Variants in TCF20 observed in about 807,000 individuals in gnomAD.
The protein encoded by TCF20 is transcription factor 20, also known as SPRE-binding protein.
A neutral mutation model predicts 148.6 loss-of-function variants in TCF20; 3 were observed. The observed-to-expected ratio is 0.02, with a 90% confidence interval of 0.01 to 0.05. The LOEUF is 0.05. TCF20 is among the 10% of genes least tolerant of loss of function. The probability of loss-of-function intolerance (pLI) is 1.00; values close to 1 mark genes in which losing one functional copy is unlikely to be tolerated. For synonymous variants in TCF20, 1,049 were observed against 909.5 expected (o/e 1.15, Z -2.76); for missense variants, 2,350 against 2,429.3 (o/e 0.97, Z 0.69).
chr22:42,264,623 C>T (rs1294520244), intron 1 of TCF20, among the ~76,000 whole-genome samples: 1 of 152,228 alleles, frequency 6.6e-6, no homozygotes, highest in Non-Finnish European at 1.5e-5. Flanking sequence ...AGATCAAGTT[C>T]GACTGCCCTA....
intron 1 of TCF20, among the ~76,000 whole-genome samples, chr22:42,326,171 T>C (rs59988558): frequency 0.045 from 6,840 of 151,958 alleles, 486 homozygotes; most frequent in African/African-American, 0.15. Flanking sequence ...CAACGCAGGA[T>C]GTAATGGCTG....
intron 1 of TCF20, among the ~76,000 whole-genome samples, chr22:42,250,768 TAAAAG>T (rs1039284684): frequency 1.1e-4 from 16 of 152,280 alleles, no homozygotes; most frequent in African/African-American, 2.9e-4. Context: ...AAGGAATACT[TAAAAG>T]AAAAGAGATT....
chr22:42,292,207 C>A lies in TCF20; in HGVS notation c.-37+51272G>T, dbSNP rs1927145730. 1.3e-5 allele frequency among the ~76,000 whole-genome samples: 2 copies of A among 152,182 alleles called. No homozygotes were observed. The highest frequency in any genetic ancestry group is 2.9e-5 in the Non-Finnish European group (2 of 68,030). Reference sequence around the variant, plus strand: ...CACAGGGTATGGACGAGGGTCAGCACCCCCATTTTGCAAGAAGAAAGCTCA... The same window carrying A: ...CACAGGGTATGGACGAGGGTCAGCAACCCCATTTTGCAAGAAGAAAGCTCA... On this transcript the variant is annotated intron_variant, in intron 1 of 1. Transcript: ENST00000515426. This position sits in a 1 kb window ranked among gnomAD's most constrained non-coding sequence, Gnocchi z 4.9.
intron 1 of TCF20, among the ~76,000 whole-genome samples, chr22:42,237,618 T>C (rs1782104857): frequency 6.6e-6 from 1 of 152,250 alleles, no homozygotes. Context: ...GGAATTATTA[T>C]GTATAGCAGC....
rs1025622647 is a variant in TCF20, at chr22:42,338,690, G to A, written c.-37+4789C>T. ...TGCGACGGAGGCTGCCAGGCGGGACGGGCTGGGCACGGCACGAGGCGGCAA... is the reference window on the plus strand; with the variant it reads ...TGCGACGGAGGCTGCCAGGCGGGACAGGCTGGGCACGGCACGAGGCGGCAA... On this transcript the variant is annotated intron_variant, in intron 1 of 1. Transcript: ENST00000515426. This position sits in a 1 kb window ranked among gnomAD's most constrained non-coding sequence, Gnocchi z 4.0. 1.3e-5 allele frequency among the ~76,000 whole-genome samples: 2 copies of A among 152,236 alleles called. No individual in the cohort carries two copies. Among genetic ancestry groups the A allele is most frequent in the African/African-American group, 2.4e-5 (1 of 41,458 alleles).
upstream of TCF20, among the ~76,000 whole-genome samples, chr22:42,285,085 C>T (rs988799188): frequency 2.0e-5 from 3 of 152,230 alleles, no homozygotes; most frequent in Non-Finnish European, 2.9e-5. The surrounding 1 kb of genome is among the most constrained non-coding windows in gnomAD (Gnocchi z 4.2). Flanking sequence ...CGGCCATGCT[C>T]GCTTCAGCCT....
rs1042059717 is a variant in TCF20 at position 42,254,821 on chromosome 22, C to T, written c.-37+15518G>A. Among the ~76,000 whole-genome samples, 6 of 151,690 alleles carry T rather than the reference C, an allele frequency of 4.0e-5. No homozygotes were observed. In the East Asian group the frequency reaches 5.8e-4, roughly 15 times the overall value. On this transcript the variant is annotated intron_variant, in intron 1 of 5. Transcript: ENST00000677622. ...CTCTACTAAAAATACAAAAATTAGC[C>T]GCGGGTGGAGGCGGGCGCCTGTAGT... is the stretch of plus-strand genomic sequence containing the variant.
chr22:42,261,445 T>C (rs1926023419), intron 1 of TCF20, among the ~76,000 whole-genome samples: 1 of 152,228 alleles, frequency 6.6e-6, no homozygotes, highest in Non-Finnish European at 1.5e-5. Context: ...CCATCAGCAG[T>C]GCATTCAAGT....
intron 1 of TCF20, among the ~76,000 whole-genome samples, chr22:42,226,385 T>C (rs1276809128): frequency 6.6e-6 from 1 of 152,220 alleles, no homozygotes; most frequent in Non-Finnish European, 1.5e-5. Flanking sequence ...GCTAAAAGGA[T>C]GTTCCATTTT....
At chr22:42,226,993 A>T (rs1262587690) in intron 1 of TCF20, among the ~76,000 whole-genome samples, 2 of 152,198 alleles carry the variant, frequency 1.3e-5, no homozygotes, top group African/African-American at 4.8e-5. Context: ...TTAAAAAATA[A>T]TTTTTAAGAC....
Position 42,179,590 on chromosome 22 carries a change from G to T in TCF20, c.5749+19C>A, listed in dbSNP as rs757468404. On this transcript the variant is annotated intron_variant, in intron 3 of 5. Transcript: ENST00000677622. ...AATCCTTTGGATGCTCTGGACAAGG[G>T]TCTGTGGTCTCCTCTTACCTGCATC... 72 of 1,580,032 alleles carry T rather than the reference G, an allele frequency of 4.6e-5. No individual in the cohort carries two copies. The highest frequency in any genetic ancestry group is 5.9e-5 in the Non-Finnish European group (68 of 1,149,126).
At chr22:42,262,993 G>A (rs1260878367) in intron 1 of TCF20, among the ~76,000 whole-genome samples, 1 of 152,054 alleles carries the variant, frequency 6.6e-6, no homozygotes, top group Non-Finnish European at 1.5e-5. Flanking sequence ...ATAGACTGAT[G>A]GTTTAATGGA....
intron 1 of TCF20, among the ~76,000 whole-genome samples, chr22:42,257,033 G>T (rs962589783): frequency 6.6e-6 from 1 of 152,156 alleles, no homozygotes. Flanking sequence ...GGTGGCATGT[G>T]CCTGTAGTCG....
intron 1 of TCF20, among the ~76,000 whole-genome samples, chr22:42,222,488 A>C (rs1601617100): frequency 6.6e-6 from 1 of 150,668 alleles, no homozygotes; most frequent in Non-Finnish European, 1.5e-5. Flanking sequence ...ACACCATCAC[A>C]CCCCCCCATA....
intron 1 of TCF20, among the ~76,000 whole-genome samples, chr22:42,289,793 C>T (rs924510214): frequency 1.2e-4 from 18 of 152,034 alleles, no homozygotes; most frequent in Non-Finnish European, 2.6e-4. Flanking sequence ...CAGCCTGCCC[C>T]GGGCACAGCT....
intron 1 of TCF20, among the ~76,000 whole-genome samples, chr22:42,339,243 C>T (rs1928121985): frequency 6.6e-6 from 1 of 152,190 alleles, no homozygotes. Flanking sequence ...CTGTGGTTTC[C>T]AGTTTACATC....
At chr22:42,230,345 C>T (rs1055464902) in intron 1 of TCF20, among the ~76,000 whole-genome samples, 9 of 152,142 alleles carry the variant, frequency 5.9e-5, no homozygotes, top group African/African-American at 1.9e-4. Context: ...CAAGTGTAAA[C>T]CTAATATACT....
chr22:42,235,490 A>G (rs1028153814), intron 1 of TCF20, among the ~76,000 whole-genome samples: 6 of 152,236 alleles, frequency 3.9e-5, no homozygotes, highest in African/African-American at 7.2e-5. Context: ...TGACTTGAAC[A>G]AAGAGACCAA....
intron 1 of TCF20, among the ~76,000 whole-genome samples, chr22:42,230,911 T>G (rs577134170): frequency 6.6e-5 from 10 of 152,192 alleles, no homozygotes; most frequent in Non-Finnish European, 1.2e-4. Flanking sequence ...GTAATCCCAG[T>G]ACTTTGGAAG....
Sources: allele counts gnomAD v4.1 joint callset (sites outside exome capture counted in the v4.1 genomes callset), GRCh38; gene constraint gnomAD v4.1.1; non-coding constraint Gnocchi (gnomAD v3.1); transcripts MANE v1.5; gene names NCBI Gene and HGNC (gene_info 2026-07-23, HGNC 2026-07-21).